The following NREP variants were observed in gnomAD, a reference collection of about 807,000 sequenced individuals.
The protein encoded by NREP is neuronal regeneration-related protein.
Under a neutral mutation model 8.6 loss-of-function variants are expected in NREP, and 5 were observed. The observed-to-expected ratio is 0.58, with a 90% CI of 0.30 to 1.22. The LOEUF (loss-of-function observed/expected upper bound fraction) is 1.22. Ranked by LOEUF, NREP falls within the 50% of genes most tolerant of loss-of-function variation. The pLI, the probability that NREP is intolerant of heterozygous loss-of-function variation, is 0.07. For synonymous variants in NREP, 27 were observed against 28.0 expected (o/e 0.96, Z 0.11); for missense variants, 86 against 82.5 (o/e 1.04, Z -0.17).
chr5:111,800,283 A>G (rs1203186345), intron 2 of NREP, among the ~76,000 whole-genome samples: 1 of 152,158 alleles, frequency 6.6e-6, no homozygotes, highest in Non-Finnish European at 1.5e-5. Context: ...CATTTTCATT[A>G]TTTAAAGAAT....
chr5:111,850,846 A>C (rs562934683), intron 2 of NREP, among the ~76,000 whole-genome samples: 52 of 152,296 alleles, frequency 3.4e-4, no homozygotes, highest in African/African-American at 1.2e-3. Flanking sequence ...ACTGTAATGC[A>C]GTAGAAAGAA....
chr5:111,733,157 A>G (rs1339969122), intron 3 of NREP: 1 of 152,172 alleles, frequency 6.6e-6, no homozygotes, highest in African/African-American at 2.4e-5. Flanking sequence ...TTCTTCATTA[A>G]TTATTCATTT....
At chr5:111,917,284 A>G (rs577173081) in intron 2 of NREP, among the ~76,000 whole-genome samples, 61 of 152,320 alleles carry the variant, frequency 4.0e-4, no homozygotes, top group Admixed American at 3.9e-3. Flanking sequence ...AGAGGTACAA[A>G]GAATAGCTGG....
chr5:111,976,089 G>A (rs542075542), intron 1 of NREP, among the ~76,000 whole-genome samples: 2 of 152,134 alleles, frequency 1.3e-5, no homozygotes, highest in Admixed American at 1.3e-4. Flanking sequence ...GGATTTTATT[G>A]TGCATATTGT....
chr5:111,799,951 G>A lies in NREP; in HGVS notation c.136-64444C>T, dbSNP rs1296330070. ...TTTTGTTTTTTTGAGATGGAGTCTC[G>A]CTCCGTCACCCAGGCTGGAGTGCGG... On this transcript the variant is annotated intron_variant, in intron 2 of 3. Transcript: ENST00000395634. Among the ~76,000 whole-genome samples the A allele has an allele frequency of 5.3e-5, 8 of 151,968 alleles. 1 individual carries two copies. Among genetic ancestry groups the A allele is most frequent in the South Asian group, 4.2e-4 (2 of 4,814 alleles).
chr5:111,965,830 C>A (rs1756628619), intron 2 of NREP, among the ~76,000 whole-genome samples: 2 of 152,074 alleles, frequency 1.3e-5, no homozygotes, highest in South Asian at 2.1e-4. Flanking sequence ...TATTGGGATT[C>A]AAATAAGGCC....
At chr5:111,819,033 T>C (rs573630812) in intron 2 of NREP, among the ~76,000 whole-genome samples, 23 of 152,232 alleles carry the variant, frequency 1.5e-4, no homozygotes, top group Non-Finnish European at 2.9e-4. Context: ...AGAATCAGTA[T>C]GTCAGTATGT....
chr5:111,751,417 T>C (rs1750354224), intron 2 of NREP, among the ~76,000 whole-genome samples: 2 of 152,200 alleles, frequency 1.3e-5, no homozygotes, highest in South Asian at 4.1e-4. Context: ...TGAAATGAAC[T>C]ATTCTTGAAG....
At chr5:111,882,944 T>A (rs997798101) in intron 2 of NREP, among the ~76,000 whole-genome samples, 3 of 152,194 alleles carry the variant, frequency 2.0e-5, no homozygotes, top group Admixed American at 6.5e-5. Context: ...CCAGCTAACA[T>A]CATAATGACA....
chr5:111,891,828 G>A (rs1754402105), intron 2 of NREP, among the ~76,000 whole-genome samples: 1 of 152,150 alleles, frequency 6.6e-6, no homozygotes. Flanking sequence ...AGGGCATGGT[G>A]CTGAACCATT....
chr5:111,872,490 T>G (rs1753812906), intron 2 of NREP, among the ~76,000 whole-genome samples: 1 of 152,164 alleles, frequency 6.6e-6, no homozygotes, highest in African/African-American at 2.4e-5. Context: ...AGTTGCCACA[T>G]AAAATTAATC....
At chr5:111,964,892 A>T (rs1043833773) in intron 2 of NREP, among the ~76,000 whole-genome samples, 4 of 142,192 alleles carry the variant, frequency 2.8e-5, no homozygotes, top group Admixed American at 7.1e-5. Context: ...AAAAAAAAAA[A>T]AAAGAAACCA....
intron 2 of NREP, among the ~76,000 whole-genome samples, chr5:111,869,134 T>C (rs1369785360): frequency 6.6e-6 from 1 of 152,188 alleles, no homozygotes; most frequent in Non-Finnish European, 1.5e-5. Context: ...TGTATGCAAC[T>C]ATGAGTCTGT....
chr5:111,930,211 C>T (rs957327634), intron 2 of NREP, among the ~76,000 whole-genome samples: 1 of 151,994 alleles, frequency 6.6e-6, no homozygotes, highest in African/African-American at 2.4e-5. Flanking sequence ...AGAGGTGAAA[C>T]AGAGAGGAGA....
intron 2 of NREP, among the ~76,000 whole-genome samples, chr5:111,807,897 A>G (rs1486755939): frequency 6.6e-6 from 1 of 150,564 alleles, no homozygotes; most frequent in Non-Finnish European, 1.5e-5. Context: ...ATGGTACTTG[A>G]AAGAGGAAGA....
At chr5:111,796,597 C>A (rs1561669933) in intron 2 of NREP, among the ~76,000 whole-genome samples, 2 of 152,012 alleles carry the variant, frequency 1.3e-5, no homozygotes. Flanking sequence ...TTAGTCACAG[C>A]AAAAGAAAAA....
intron 2 of NREP, among the ~76,000 whole-genome samples, chr5:111,843,325 ACT>A (rs1753079055): frequency 6.6e-6 from 1 of 151,332 alleles, no homozygotes; most frequent in African/African-American, 2.4e-5. Context: ...GATTAAGTTT[ACT>A]GTGGAAGTAT....
chr5:111,742,631 T>C (rs1013846877), intron 2 of NREP, among the ~76,000 whole-genome samples: 1 of 152,122 alleles, frequency 6.6e-6, no homozygotes, highest in Non-Finnish European at 1.5e-5. Context: ...TACCCGACTT[T>C]TCTTTTTCAC....
chr5:111,790,948 C>G (rs1374386886), intron 2 of NREP, among the ~76,000 whole-genome samples: 1 of 152,082 alleles, frequency 6.6e-6, no homozygotes, highest in Non-Finnish European at 1.5e-5. Context: ...GTGGGTTCAG[C>G]AGGGCCAACT....
Sources: allele counts gnomAD v4.1 joint callset (sites outside exome capture counted in the v4.1 genomes callset), GRCh38; gene constraint gnomAD v4.1.1; transcripts MANE v1.5; gene names NCBI Gene and HGNC (gene_info 2026-07-23, HGNC 2026-07-21).